Variants in GPC4 observed in about 807,000 individuals in gnomAD.
The protein encoded by GPC4 is glypican 4, also known as glypican-4.
Under a neutral mutation model 35.0 loss-of-function variants are expected in GPC4, and 10 were observed. That is an observed-to-expected ratio of 0.29 (90% CI 0.18 to 0.48). The LOEUF (loss-of-function observed/expected upper bound fraction) is 0.48, where lower values mean the gene tolerates loss of function less well. GPC4 is among the 20% of genes least tolerant of loss of function. The pLI, the probability that GPC4 is intolerant of heterozygous loss-of-function variation, is 0.99. For synonymous variants in GPC4, 167 were observed against 170.2 expected (o/e 0.98, Z 0.15); for missense variants, 322 against 451.3 (o/e 0.71, Z 2.60).
intron 1 of GPC4, among the ~76,000 whole-genome samples, chrX:133,408,340 G>C (rs141033211): frequency 3.0e-3 from 332 of 112,340 alleles, no homozygotes; most frequent in African/African-American, 9.9e-3. Context: ...CTGAACAGTT[G>C]CATGTGGTAA....
At position 133,339,970 on chromosome X, in the gene GPC4, T is replaced by C. The variant is rs754912452; in HGVS notation, c.161-629A>G. 1.2e-4 allele frequency among the ~76,000 whole-genome samples: 13 copies of C among 111,780 alleles called. No individual in the cohort carries two copies. In the South Asian group the frequency reaches 4.9e-3, roughly 42 times the overall value. On this transcript the variant is annotated intron_variant, in intron 1 of 8. Transcript: ENST00000370828. Reference sequence around the variant, plus strand: ...TTTAAGATTTTTTTTATCCAATGTATTCTGTGCAGATGTCAGAGACTATAT... The same window carrying C: ...TTTAAGATTTTTTTTATCCAATGTACTCTGTGCAGATGTCAGAGACTATAT...
Position 133,387,336 on chromosome X carries a change from G to A in GPC4, c.160+27470C>T, listed in dbSNP as rs755347949. 2.7e-5 allele frequency among the ~76,000 whole-genome samples: 3 copies of A among 111,632 alleles called. No homozygotes were observed. In the South Asian group the frequency reaches 1.1e-3, roughly 43 times the overall value. On this transcript the variant is annotated intron_variant, in intron 1 of 8. Coordinates refer to ENST00000370828, the MANE Select transcript of GPC4 (RefSeq NM_001448.3). ...TGCGAATAATGTCCCAAAGCATTTT[G>A]CAGGGATATTAATTCCTTCTTATTT...
At chrX:133,410,138 A>G (rs1291167583) in intron 1 of GPC4, among the ~76,000 whole-genome samples, 2 of 111,977 alleles carry the variant, frequency 1.8e-5, no homozygotes, top group East Asian at 5.6e-4. Context: ...TCTCCACTAT[A>G]ACACGAAAAT....
At chrX:133,399,986 T>G (rs1405982223) in intron 1 of GPC4, among the ~76,000 whole-genome samples, 7 of 111,935 alleles carry the variant, frequency 6.3e-5, no homozygotes, top group Non-Finnish European at 1.1e-4. Context: ...AGCAAGACTC[T>G]GTCCCAAAAC....
chrX:133,346,861 G>C (rs1427573619), intron 1 of GPC4, among the ~76,000 whole-genome samples: 1 of 111,364 alleles, frequency 9.0e-6, no homozygotes, highest in Admixed American at 9.6e-5. Context: ...GTAGATTCTT[G>C]GTTGCCCAGG....
At chrX:133,381,248 G>A (rs765000386) in intron 1 of GPC4, among the ~76,000 whole-genome samples, 60 of 112,298 alleles carry the variant, frequency 5.3e-4, no homozygotes, top group Admixed American at 1.6e-3. Context: ...AAGGATATTA[G>A]TTACAGTCTA....
intron 1 of GPC4, among the ~76,000 whole-genome samples, chrX:133,350,242 G>T (rs1186315484): frequency 8.9e-6 from 1 of 111,736 alleles, no homozygotes; most frequent in African/African-American, 3.3e-5. Flanking sequence ...ATGATTCTGG[G>T]ATGGGCACAG....
intron 1 of GPC4, among the ~76,000 whole-genome samples, chrX:133,393,495 G>GAA (rs112191308): frequency 3.5e-5 from 3 of 85,085 alleles, no homozygotes; most frequent in Non-Finnish European, 2.4e-5. Flanking sequence ...CTTAGAGAGA[G>GAA]AAAAAAAAAA....
At chrX:133,387,210 T>C (rs1411195400) in intron 1 of GPC4, among the ~76,000 whole-genome samples, 1 of 112,214 alleles carries the variant, frequency 8.9e-6, no homozygotes, top group African/African-American at 3.2e-5. Flanking sequence ...GGCCTACAGA[T>C]ATCCTTAGGG....
intron 2 of GPC4, among the ~76,000 whole-genome samples, chrX:133,329,273 A>AAAT (rs935704751): frequency 8.0e-5 from 9 of 112,228 alleles, no homozygotes; most frequent in African/African-American, 2.9e-4. Context: ...GATGCTCAAC[A>AAAT]AATAAACATT....
At chrX:133,395,696 T>C (rs2068739793) in intron 1 of GPC4, among the ~76,000 whole-genome samples, 1 of 111,417 alleles carries the variant, frequency 9.0e-6, no homozygotes, top group Non-Finnish European at 1.9e-5. Flanking sequence ...TTTCAGGCCC[T>C]GCTAGACTTT....
At chrX:133,378,627 C>G (rs2068647168) in intron 1 of GPC4, among the ~76,000 whole-genome samples, 1 of 107,931 alleles carries the variant, frequency 9.3e-6, no homozygotes, top group African/African-American at 3.4e-5. Flanking sequence ...TTAACCATCA[C>G]TCCCTAAATT....
chrX:133,306,275 G>T, intron 4 of GPC4, 121 bp from the exon 5 acceptor site: 1 of 754,384 alleles, frequency 1.3e-6, no homozygotes, highest in Non-Finnish European at 2.0e-6. Flanking sequence ...GGGAAGTAAG[G>T]CATGGATCAT....
At chrX:133,311,458 G>C in intron 3 of GPC4, 35 bp from the exon 4 acceptor site, 1 of 1,178,085 alleles carries the variant, frequency 8.5e-7, no homozygotes, top group Non-Finnish European at 1.2e-6. Flanking sequence ...CAGTAGTGGC[G>C]GGGCTAAAAT....
chrX:133,397,295 C>T (rs2068747680), intron 1 of GPC4, among the ~76,000 whole-genome samples: 1 of 111,915 alleles, frequency 8.9e-6, no homozygotes, highest in Non-Finnish European at 1.9e-5. Flanking sequence ...TGTGGTGGCA[C>T]ACGCCTCTAG....
intron 1 of GPC4, among the ~76,000 whole-genome samples, chrX:133,363,473 G>A (rs1311456305): frequency 9.0e-6 from 1 of 111,478 alleles, no homozygotes; most frequent in Non-Finnish European, 1.9e-5. Context: ...AGGTTGCACA[G>A]TAGAAATGCA....
chrX:133,344,515 A>C (rs753567788), intron 1 of GPC4, among the ~76,000 whole-genome samples: 1 of 109,600 alleles, frequency 9.1e-6, no homozygotes, highest in Non-Finnish European at 1.9e-5. Flanking sequence ...GTGAGCCACC[A>C]CGCCCGGTGA....
At chrX:133,397,504 C>A (rs772734422) in intron 1 of GPC4, among the ~76,000 whole-genome samples, 1 of 109,758 alleles carries the variant, frequency 9.1e-6, no homozygotes, top group East Asian at 2.9e-4. Context: ...CTGCAGTGAG[C>A]CGTGATCACA....
chrX:133,396,736 T>C lies in GPC4; in HGVS notation c.160+18070A>G, dbSNP rs143561947. Among the ~76,000 whole-genome samples, 260 of 112,092 alleles carry C rather than the reference T, an allele frequency of 2.3e-3. 6 individuals carry two copies. In the East Asian group the frequency reaches 0.047, roughly 20 times the overall value. On this transcript the variant is annotated intron_variant, in intron 1 of 8. Transcript: ENST00000370828. ...AGGGAATATGGGCTGAATTATACAG[T>C]ATTTTTAAAGAAACACGAACTTATC...
Sources: gnomAD v4.1 joint callset for allele counts (sites outside exome capture counted in the v4.1 genomes callset) on GRCh38, gnomAD v4.1.1 for gene constraint, MANE v1.5 for transcripts, NCBI Gene and HGNC (gene_info 2026-07-23, HGNC 2026-07-21) for gene names.